PDE4D: variants seen among roughly 807,000 people sequenced by gnomAD.
PDE4D encodes the protein phosphodiesterase 4D.
In PDE4D, 24 loss-of-function variants were observed where a neutral mutation model predicts 87.4. That is an observed-to-expected ratio of 0.27 (90% CI 0.20 to 0.39). The LOEUF (loss-of-function observed/expected upper bound fraction) is 0.39, where lower values mean the gene tolerates loss of function less well. Among genes scored for constraint, PDE4D ranks in the 10% least tolerant of loss-of-function variants. PDE4D has a pLI of 1.00. For missense variants in PDE4D, 714 were observed against 1,041.0 expected (o/e 0.69, Z 4.32); for synonymous variants, 384 against 383.2 (o/e 1.00, Z -0.02).
At chr5:59,995,834 C>T (rs1232084421) in intron 2 of PDE4D, among the ~76,000 whole-genome samples, 1 of 152,158 alleles carries the variant, frequency 6.6e-6, no homozygotes, top group East Asian at 1.9e-4. Flanking sequence ...ACCCCTAGCA[C>T]TTAGCCAGTG....
At chr5:59,359,520 G>A (rs983276683) in intron 1 of PDE4D, among the ~76,000 whole-genome samples, 2 of 151,978 alleles carry the variant, frequency 1.3e-5, no homozygotes, top group African/African-American at 4.8e-5. Context: ...GCAAAATTAA[G>A]CCTTGATTTC....
At chr5:59,647,209 G>C (rs1742614160) in intron 1 of PDE4D, among the ~76,000 whole-genome samples, 1 of 152,086 alleles carries the variant, frequency 6.6e-6, no homozygotes, top group South Asian at 2.1e-4. Flanking sequence ...TGACAAAGGA[G>C]AGACCACAAA....
At chr5:59,829,236 A>G (rs962566842) in intron 1 of PDE4D, among the ~76,000 whole-genome samples, 1 of 152,088 alleles carries the variant, frequency 6.6e-6, no homozygotes, top group African/African-American at 2.4e-5. Context: ...TGTGAAAAAT[A>G]GCACACATTA....
At chr5:59,052,942 T>C (rs1441066935) in intron 5 of PDE4D, among the ~76,000 whole-genome samples, 1 of 152,130 alleles carries the variant, frequency 6.6e-6, no homozygotes. Flanking sequence ...TAGTAATTCA[T>C]CTCCTCCCTA....
At chr5:59,981,194 G>A (rs1761896220) in intron 3 of PDE4D, among the ~76,000 whole-genome samples, 1 of 152,186 alleles carries the variant, frequency 6.6e-6, no homozygotes, top group South Asian at 2.1e-4. Flanking sequence ...GGAGGTTGCA[G>A]TGAGCCGAGA....
At chr5:59,370,266 T>G (rs1328574030) in intron 1 of PDE4D, among the ~76,000 whole-genome samples, 2 of 152,150 alleles carry the variant, frequency 1.3e-5, no homozygotes, top group Non-Finnish European at 2.9e-5. Context: ...CTTTACTAGT[T>G]TCCCTCTCCA....
chr5:59,506,794 G>A (rs763028201), intron 1 of PDE4D, among the ~76,000 whole-genome samples: 1 of 152,110 alleles, frequency 6.6e-6, no homozygotes, highest in South Asian at 2.1e-4. Context: ...ATAATACGAA[G>A]TGTTGACAAG....
rs950373848 is a variant in PDE4D, at chr5:60,459,775, A to G, written c.-90+28167T>C. 1.5e-5 allele frequency: 7 copies of G among 473,704 alleles called. No homozygotes were observed. The Admixed American group carries it at 2.5e-4, about 17-fold the overall frequency. The allele number at this position is 473,704 out of a possible 1,614,324, so 29.3% of individuals were successfully genotyped here. A position where few individuals can be genotyped will look rare whatever the true frequency, so the allele number is the denominator to read the frequency against. ...GGCAACAGAGCACAAGAGGAAAAAG[A>G]AAAGACTGGAACTTGCTCCCAGGGA... On this transcript the variant is annotated intron_variant, in intron 1 of 16. Transcript: ENST00000502484.
At chr5:59,816,792 C>A (rs1221719259) in intron 1 of PDE4D, among the ~76,000 whole-genome samples, 1 of 152,174 alleles carries the variant, frequency 6.6e-6, no homozygotes, top group Admixed American at 6.5e-5. Flanking sequence ...GCCAAACACT[C>A]CTCCCCTCCT....
chr5:59,405,339 A>G (rs9918215), intron 1 of PDE4D, among the ~76,000 whole-genome samples: 26,318 of 152,092 alleles, frequency 0.17, 3,058 homozygotes, highest in African/African-American at 0.32. Context: ...TGTAGCTATT[A>G]TAAATGGGAT....
At chr5:60,142,807 T>C (rs971321952) in intron 2 of PDE4D, among the ~76,000 whole-genome samples, 32 of 152,076 alleles carry the variant, frequency 2.1e-4, no homozygotes, top group Non-Finnish European at 3.7e-4. Flanking sequence ...CCAGAGGCAA[T>C]GTCTGAGAAA....
chr5:59,407,717 A>G (rs1054155187), intron 1 of PDE4D, among the ~76,000 whole-genome samples: 2 of 152,216 alleles, frequency 1.3e-5, no homozygotes, highest in Non-Finnish European at 2.9e-5. Flanking sequence ...AAGGTCACCC[A>G]TGTTATACCT....
At chr5:60,339,548 A>G (rs1425886665) in intron 1 of PDE4D, among the ~76,000 whole-genome samples, 2 of 152,178 alleles carry the variant, frequency 1.3e-5, no homozygotes, top group Non-Finnish European at 2.9e-5. Flanking sequence ...ACTGCAGGTA[A>G]CCGAAACCAC....
At chr5:60,306,492 A>G (rs1199921611) in intron 1 of PDE4D, among the ~76,000 whole-genome samples, 1 of 152,140 alleles carries the variant, frequency 6.6e-6, no homozygotes, top group Non-Finnish European at 1.5e-5. Flanking sequence ...AAAACAAAAC[A>G]GAATGACATA....
intron 1 of PDE4D, among the ~76,000 whole-genome samples, chr5:59,416,257 G>A (rs960463233): frequency 6.6e-6 from 1 of 152,008 alleles, no homozygotes; most frequent in South Asian, 2.1e-4. Flanking sequence ...CTATCTTCAC[G>A]TCAGTCTCAA....
intron 1 of PDE4D, among the ~76,000 whole-genome samples, chr5:60,346,527 C>G (rs1758759612): frequency 6.6e-6 from 1 of 152,142 alleles, no homozygotes; most frequent in African/African-American, 2.4e-5. Flanking sequence ...TTTGCAAAAT[C>G]TCTAGCAAAT....
intron 1 of PDE4D, among the ~76,000 whole-genome samples, chr5:59,424,919 G>A (rs1434922741): frequency 6.6e-6 from 1 of 152,150 alleles, no homozygotes; most frequent in African/African-American, 2.4e-5. Context: ...ATATGTAAGT[G>A]TATGTGTAAT....
chr5:60,287,129 G>A (rs1469240463), intron 1 of PDE4D, among the ~76,000 whole-genome samples: 2 of 152,160 alleles, frequency 1.3e-5, no homozygotes, highest in Non-Finnish European at 2.9e-5. Context: ...AATCCTTACT[G>A]TGTGTCCAAG....
chr5:59,052,461 G>A (rs1390836612), intron 5 of PDE4D, among the ~76,000 whole-genome samples: 1 of 152,196 alleles, frequency 6.6e-6, no homozygotes, highest in Non-Finnish European at 1.5e-5. Flanking sequence ...GGATATTGTG[G>A]GAATTGGATA....
Sources: allele counts gnomAD v4.1 joint callset (sites outside exome capture counted in the v4.1 genomes callset), GRCh38; gene constraint gnomAD v4.1.1; transcripts MANE v1.5; gene names NCBI Gene and HGNC (gene_info 2026-07-23, HGNC 2026-07-21).